The following CADPS variants were observed in gnomAD, a reference collection of about 807,000 sequenced individuals.
CADPS encodes the protein calcium dependent secretion activator.
A neutral mutation model predicts 167.3 loss-of-function variants in CADPS; 57 were observed. The observed-to-expected ratio is 0.34, with a 90% CI of 0.28 to 0.42. The LOEUF is 0.42. Ranked by LOEUF, CADPS falls within the 20% of genes least tolerant of loss-of-function variation. The probability of loss-of-function intolerance (pLI) is 1.00; values close to 1 mark genes in which losing one functional copy is unlikely to be tolerated. For synonymous variants in CADPS, 676 were observed against 635.3 expected, an observed-to-expected ratio of 1.06 and a Z score of -0.96; for missense variants, 1,414 against 1,738.1, an observed-to-expected ratio of 0.81 and a Z score of 3.32.
intron 6 of CADPS, among the ~76,000 whole-genome samples, chr3:62,623,015 T>C (rs1187262033): frequency 6.6e-6 from 1 of 152,244 alleles, no homozygotes; most frequent in Non-Finnish European, 1.5e-5. Flanking sequence ...TAATTATGGC[T>C]AATATTCAAA....
At chr3:62,782,573 A>G (rs891842011) in intron 1 of CADPS, among the ~76,000 whole-genome samples, 1 of 152,162 alleles carries the variant, frequency 6.6e-6, no homozygotes, top group Non-Finnish European at 1.5e-5. Context: ...AAATGGCTTC[A>G]TGAGTCAGAT....
intron 26 of CADPS, among the ~76,000 whole-genome samples, chr3:62,459,499 C>T (rs956904592): frequency 3.3e-5 from 5 of 152,200 alleles, no homozygotes; most frequent in South Asian, 2.1e-4. Flanking sequence ...ACTAGATCTT[C>T]CCTTTCACCT....
At chr3:62,550,854 G>A (rs1200813191) in intron 10 of CADPS, 1 of 456,548 alleles carries the variant, frequency 2.2e-6, no homozygotes, top group East Asian at 6.9e-5. Flanking sequence ...CCTATCAGCA[G>A]CATTTGCACT....
At chr3:62,576,109 C>G (rs1233276946) in intron 8 of CADPS, among the ~76,000 whole-genome samples, 4 of 152,224 alleles carry the variant, frequency 2.6e-5, no homozygotes, top group Non-Finnish European at 4.4e-5. Flanking sequence ...GCTCCTCACA[C>G]TACAGGCAGA....
intron 1 of CADPS, among the ~76,000 whole-genome samples, chr3:62,843,068 AT>A (rs35085939): frequency 6.6e-6 from 1 of 151,850 alleles, no homozygotes; most frequent in Non-Finnish European, 1.5e-5. Flanking sequence ...CTCTGGTATA[AT>A]TTTTTTTCAT....
In CADPS at chr3:62,465,386, G is replaced by T. The variant is rs2059826351; in HGVS notation, c.3617C>A (p.Ser1206Tyr). The T allele has an allele frequency of 1.2e-6, 2 of 1,605,468 alleles. No homozygotes were observed. Among genetic ancestry groups the T allele is most frequent in the Non-Finnish European group, 1.7e-6 (2 of 1,176,334 alleles). ...ACTTACGGTAAATGACAGAAAAGAA[G>T]AAAACAAAGTCCCTTCGTCATATCT... ...LSRYDEGTLF[S>Y]SFLSFTVKAA... is the part of the protein sequence containing the mutation. Residue 1206 changes from serine (S) to tyrosine (Y), a missense_variant, in exon 26 of 30, where the codon TCT becomes TAT. Coordinates refer to ENST00000383710, the MANE Select transcript of CADPS (RefSeq NM_003716.4). This position sits in a 1 kb window ranked among gnomAD's most constrained non-coding sequence, Gnocchi z 4.1.
At chr3:62,668,364 A>G (rs899546397) in intron 3 of CADPS, among the ~76,000 whole-genome samples, 1 of 152,114 alleles carries the variant, frequency 6.6e-6, no homozygotes, top group African/African-American at 2.4e-5. Context: ...TGAGCTCTGC[A>G]GCCTTGTCGG....
rs534777705 is a variant in CADPS at position 62,420,052 on chromosome 3, T to C, written c.3778-16867A>G. 7.9e-5 allele frequency among the ~76,000 whole-genome samples: 12 copies of C among 152,202 alleles called. No homozygotes were observed. In the South Asian group the frequency reaches 2.1e-3, roughly 26 times the overall value. ...GTGGTTTTCATCATTACTCTCAACA[T>C]ACAAAAGCATGGTCTATGTATGTAC... On this transcript the variant is annotated intron_variant, in intron 28 of 29. Transcript: ENST00000383710. This position sits in a 1 kb window ranked among gnomAD's most constrained non-coding sequence, Gnocchi z 4.1.
intron 2 of CADPS, among the ~76,000 whole-genome samples, chr3:62,758,134 A>G (rs2084457671): frequency 6.6e-6 from 1 of 152,178 alleles, no homozygotes; most frequent in African/African-American, 2.4e-5. Context: ...CTACTCAATA[A>G]ATACTTCTGA....
At chr3:62,497,528 C>T (rs1016377621) in intron 18 of CADPS, among the ~76,000 whole-genome samples, 5 of 152,124 alleles carry the variant, frequency 3.3e-5, no homozygotes, top group African/African-American at 7.2e-5. Context: ...TATAGGATAG[C>T]GTAGGAAAAA....
At chr3:62,810,732 G>T (rs897918694) in intron 1 of CADPS, among the ~76,000 whole-genome samples, 1 of 152,186 alleles carries the variant, frequency 6.6e-6, no homozygotes, top group Admixed American at 6.5e-5. Context: ...GAGTGTCTTT[G>T]TTCCCTGTGA....
chr3:62,604,729 C>A (rs188980542), intron 6 of CADPS, among the ~76,000 whole-genome samples: 1 of 152,188 alleles, frequency 6.6e-6, no homozygotes, highest in Non-Finnish European at 1.5e-5. Context: ...TTTTGTCCTT[C>A]GAAATGTTGG....
intron 8 of CADPS, among the ~76,000 whole-genome samples, chr3:62,574,501 C>T (rs2048495): frequency 0.028 from 4,326 of 152,254 alleles, 102 homozygotes; most frequent in South Asian, 0.048. Context: ...AGTTTATCAA[C>T]CTTGTGCTGC....
chr3:62,760,576 A>G (rs952223287), intron 2 of CADPS, among the ~76,000 whole-genome samples: 2 of 151,742 alleles, frequency 1.3e-5, no homozygotes, highest in Admixed American at 6.6e-5. Flanking sequence ...CATCCTCTTA[A>G]TCACTCTGCC....
intron 6 of CADPS, among the ~76,000 whole-genome samples, chr3:62,609,836 T>A (rs1424134679): frequency 2.6e-5 from 4 of 152,164 alleles, no homozygotes; most frequent in Non-Finnish European, 4.4e-5. Flanking sequence ...ACACCTGTAA[T>A]CCTAGAACTT....
intron 1 of CADPS, among the ~76,000 whole-genome samples, chr3:62,776,412 C>T (rs35277817): frequency 0.43 from 65,817 of 151,626 alleles, 16,484 homozygotes; most frequent in East Asian, 0.81. Context: ...CCCAGCACTT[C>T]GGCGGGCCGA....
chr3:62,513,187 TG>T (rs1377109336), intron 16 of CADPS, among the ~76,000 whole-genome samples: 4 of 152,108 alleles, frequency 2.6e-5, no homozygotes, highest in Non-Finnish European at 5.9e-5. Context: ...ATGGACCACC[TG>T]GTGTGGTCTC....
intron 2 of CADPS, among the ~76,000 whole-genome samples, chr3:62,754,522 G>C (rs572500783): frequency 6.6e-6 from 1 of 152,054 alleles, no homozygotes; most frequent in Admixed American, 6.5e-5. Flanking sequence ...GCAGGACTTT[G>C]CTCTGTTATG....
chr3:62,475,062 T>G (rs1046150208), intron 23 of CADPS, among the ~76,000 whole-genome samples: 9 of 152,240 alleles, frequency 5.9e-5, no homozygotes, highest in African/African-American at 2.2e-4. Context: ...AATATACAAC[T>G]ATTTTATATG....
Sources: allele counts gnomAD v4.1 joint callset (sites outside exome capture counted in the v4.1 genomes callset), GRCh38; gene constraint gnomAD v4.1.1; non-coding constraint Gnocchi (gnomAD v3.1); transcripts MANE v1.5; gene names NCBI Gene and HGNC (gene_info 2026-07-23, HGNC 2026-07-21).